VPS13B: variants seen among roughly 807,000 people sequenced by gnomAD.
VPS13B encodes vacuolar protein sorting 13 homolog B.
A neutral mutation model predicts 426.4 loss-of-function variants in VPS13B; 285 were observed. That is an observed-to-expected ratio of 0.67 (90% CI 0.61 to 0.74). The LOEUF (loss-of-function observed/expected upper bound fraction) is 0.74, where lower values mean the gene tolerates loss of function less well. VPS13B is among the 30% of genes least tolerant of loss of function. The pLI is 0.00. For synonymous variants in VPS13B, 1,676 were observed against 1,676.4 expected, an observed-to-expected ratio of 1.00 and a Z score of 0.01; for missense variants, 4,537 against 4,782.6, an observed-to-expected ratio of 0.95 and a Z score of 1.51.
chr8:99,213,802 A>G (rs1335419617), intron 17 of VPS13B, among the ~76,000 whole-genome samples: 2 of 145,240 alleles, frequency 1.4e-5, no homozygotes, highest in Non-Finnish European at 3.0e-5. Flanking sequence ...TTGAACTGCC[A>G]TTTCAGTTGC....
At position 99,104,090 on chromosome 8, in the gene VPS13B, TA is replaced by T. The variant is rs1483166044; in HGVS notation, c.580+971del. Among the ~76,000 whole-genome samples the T allele has an allele frequency of 9.8e-5, 15 of 152,324 alleles. No individual in the cohort carries two copies. In the East Asian group the frequency reaches 2.9e-3, roughly 29 times the overall value. ...CGATTTTGTTGTTATGCAAACATCA[TA>T]GAGTGTACTTACACAAACCTAGATG... On this transcript the variant is annotated intron_variant, in intron 5 of 61. Transcript: ENST00000357162.
intron 19 of VPS13B, among the ~76,000 whole-genome samples, chr8:99,377,578 A>G (rs531373351): frequency 6.6e-5 from 10 of 152,290 alleles, no homozygotes; most frequent in Admixed American, 2.6e-4. Flanking sequence ...TGATTTCATA[A>G]GTGTGTTTTT....
chr8:99,685,923 T>C (rs1831377583), intron 35 of VPS13B, among the ~76,000 whole-genome samples: 1 of 152,140 alleles, frequency 6.6e-6, no homozygotes, highest in African/African-American at 2.4e-5. Context: ...CATCAGTGTC[T>C]GGGCATTGGA....
At chr8:99,738,350 A>G (rs902933300) in intron 39 of VPS13B, among the ~76,000 whole-genome samples, 2 of 152,174 alleles carry the variant, frequency 1.3e-5, no homozygotes, top group African/African-American at 4.8e-5. Flanking sequence ...ACCAACTACT[A>G]TCTTTTTTCT....
intron 19 of VPS13B, among the ~76,000 whole-genome samples, chr8:99,378,648 A>G: frequency 6.6e-6 from 1 of 152,324 alleles, no homozygotes; most frequent in South Asian, 2.1e-4. Flanking sequence ...TCAGGGTTTC[A>G]GCAGGTCCTT....
At chr8:99,138,746 C>G (rs1406193095) in intron 12 of VPS13B, among the ~76,000 whole-genome samples, 3 of 152,182 alleles carry the variant, frequency 2.0e-5, no homozygotes, top group African/African-American at 7.2e-5. Flanking sequence ...GTTCTAATAG[C>G]ATTGCAAATT....
chr8:99,256,521 G>A (rs1196428060), intron 17 of VPS13B, among the ~76,000 whole-genome samples: 1 of 151,956 alleles, frequency 6.6e-6, no homozygotes, highest in African/African-American at 2.4e-5. Flanking sequence ...ATATACAAGG[G>A]TTCCGATTAC....
chr8:99,309,342 G>T (rs369440530), intron 19 of VPS13B, among the ~76,000 whole-genome samples: 3 of 151,890 alleles, frequency 2.0e-5, no homozygotes, highest in African/African-American at 4.8e-5. Context: ...TTAATCCATC[G>T]TGAATTAATT....
intron 24 of VPS13B, among the ~76,000 whole-genome samples, chr8:99,470,179 C>T (rs1366789026): frequency 6.6e-6 from 1 of 152,112 alleles, no homozygotes; most frequent in Non-Finnish European, 1.5e-5. Flanking sequence ...CACTTTATCA[C>T]AGAAGTTGTT....
At chr8:99,720,816 C>T in intron 38 of VPS13B, 47 bp from the exon 39 acceptor site, 1 of 1,536,570 alleles carries the variant, frequency 6.5e-7, no homozygotes, top group Non-Finnish European at 8.9e-7. Flanking sequence ...TCCCCTTTGT[C>T]ATGTTCCCCT....
chr8:99,774,692 G>C (rs985914456), intron 40 of VPS13B, among the ~76,000 whole-genome samples: 1 of 152,074 alleles, frequency 6.6e-6, no homozygotes, highest in Non-Finnish European at 1.5e-5. Context: ...GTAGTATAAG[G>C]GAAAGAGTTC....
chr8:99,391,825 A>G, intron 21 of VPS13B, 121 bp downstream of exon 21: 1 of 1,298,202 alleles, frequency 7.7e-7, no homozygotes, highest in Non-Finnish European at 1.1e-6. Context: ...GAGACAAAGA[A>G]CTTTATTATC....
intron 22 of VPS13B, among the ~76,000 whole-genome samples, chr8:99,440,130 C>G (rs963634747): frequency 6.6e-6 from 1 of 152,054 alleles, no homozygotes. Flanking sequence ...TCAGTATTGG[C>G]AAAAGAACAC....
chr8:99,048,957 T>G (rs1296089990), intron 3 of VPS13B, among the ~76,000 whole-genome samples: 1 of 152,230 alleles, frequency 6.6e-6, no homozygotes, highest in Non-Finnish European at 1.5e-5. Flanking sequence ...TCAAAGTTTA[T>G]TTTGTCTGAT....
chr8:99,815,342 AG>A (rs1813967059), intron 44 of VPS13B, among the ~76,000 whole-genome samples: 1 of 152,028 alleles, frequency 6.6e-6, no homozygotes. Context: ...ACCCAAGAAG[AG>A]CTGATGCTTC....
chr8:99,299,119 T>A (rs901143140), intron 19 of VPS13B, among the ~76,000 whole-genome samples: 2 of 140,920 alleles, frequency 1.4e-5, no homozygotes, highest in African/African-American at 5.4e-5. Context: ...TGGAGTGCAA[T>A]GGCACTATCT....
chr8:99,197,813 C>A (rs1345721660), intron 17 of VPS13B, among the ~76,000 whole-genome samples: 1 of 151,982 alleles, frequency 6.6e-6, no homozygotes, highest in Non-Finnish European at 1.5e-5. Context: ...ATTTTGATTT[C>A]ATCTTTTACC....
chr8:99,467,712 TTTCTC>T (rs1273563447), intron 24 of VPS13B, 78 bp downstream of exon 24: 2 of 1,456,522 alleles, frequency 1.4e-6, no homozygotes, highest in Non-Finnish European at 1.9e-6. Flanking sequence ...TGTTGAAGGG[TTTCTC>T]TTCTCTTGAG....
intron 3 of VPS13B, among the ~76,000 whole-genome samples, chr8:99,052,427 G>T (rs1843604228): frequency 1.2e-5 from 1 of 86,526 alleles, no homozygotes; most frequent in Non-Finnish European, 2.4e-5. Flanking sequence ...GCTGGATTCG[G>T]TTTGCCAGTA....
Sources: allele counts gnomAD v4.1 joint callset (sites outside exome capture counted in the v4.1 genomes callset), GRCh38; gene constraint gnomAD v4.1.1; transcripts MANE v1.5; gene names NCBI Gene and HGNC (gene_info 2026-07-23, HGNC 2026-07-21).